The following KCTD8 variants were observed in gnomAD, a reference collection of about 807,000 sequenced individuals.
The protein encoded by KCTD8 is BTB/POZ domain-containing protein KCTD8.
In KCTD8, 27 loss-of-function variants were observed where a neutral mutation model predicts 31.5. The observed-to-expected ratio is 0.86, with a 90% CI of 0.63 to 1.18. The LOEUF (loss-of-function observed/expected upper bound fraction) is 1.18, where lower values mean the gene tolerates loss of function less well. Among genes scored for constraint, KCTD8 ranks in the 50% most tolerant of loss-of-function variants. The pLI, the probability that KCTD8 is intolerant of heterozygous loss-of-function variation, is 0.00. For synonymous variants in KCTD8, 290 were observed against 280.0 expected (o/e 1.04, Z -0.36); for missense variants, 658 against 647.7 (o/e 1.02, Z -0.17).
intron 1 of KCTD8, among the ~76,000 whole-genome samples, chr4:44,342,383 A>AG (rs1471500414): frequency 2.6e-5 from 4 of 151,894 alleles, no homozygotes; most frequent in African/African-American, 9.7e-5. Context: ...AAAAAAAAAA[A>AG]AAAAGAAAGG....
intron 1 of KCTD8, among the ~76,000 whole-genome samples, chr4:44,346,592 C>G (rs1719043327): frequency 1.3e-5 from 2 of 152,022 alleles, no homozygotes; most frequent in South Asian, 4.1e-4. Flanking sequence ...AAAGATGAAA[C>G]TGGCTCAAAC....
At chr4:44,420,321 G>T (rs1721180484) in intron 1 of KCTD8, among the ~76,000 whole-genome samples, 1 of 152,264 alleles carries the variant, frequency 6.6e-6, no homozygotes, top group Admixed American at 6.5e-5. Flanking sequence ...AAAATCTCTG[G>T]TGTCAGGTGT....
intron 1 of KCTD8, among the ~76,000 whole-genome samples, chr4:44,377,025 C>A (rs1719930316): frequency 6.6e-6 from 1 of 152,074 alleles, no homozygotes; most frequent in Non-Finnish European, 1.5e-5. Flanking sequence ...TAAATGAGGC[C>A]CACACACCAC....
At chr4:44,176,338 C>T (rs1713214251) in intron 1 of KCTD8, among the ~76,000 whole-genome samples, 1 of 152,140 alleles carries the variant, frequency 6.6e-6, no homozygotes, top group Non-Finnish European at 1.5e-5. Flanking sequence ...CTGGAATCAC[C>T]TACAAAGCTT....
At chr4:44,342,217 A>G (rs975168705) in intron 1 of KCTD8, among the ~76,000 whole-genome samples, 3 of 152,012 alleles carry the variant, frequency 2.0e-5, no homozygotes, top group Non-Finnish European at 4.4e-5. Context: ...TAAAAATACA[A>G]AAAAATTAAC....
At chr4:44,310,982 C>A (rs759419492) in intron 1 of KCTD8, among the ~76,000 whole-genome samples, 1 of 151,560 alleles carries the variant, frequency 6.6e-6, no homozygotes, top group Non-Finnish European at 1.5e-5. Flanking sequence ...CATGCTTCTG[C>A]AACCCCTATA....
chr4:44,434,296 T>C (rs1721588229), intron 1 of KCTD8, among the ~76,000 whole-genome samples: 2 of 151,908 alleles, frequency 1.3e-5, no homozygotes, highest in Admixed American at 6.6e-5. Context: ...TAGTTAACTT[T>C]AGTGAGCCTT....
chr4:44,249,761 TTC>T (rs918285100), intron 1 of KCTD8, among the ~76,000 whole-genome samples: 22 of 151,634 alleles, frequency 1.5e-4, no homozygotes, highest in African/African-American at 3.9e-4. Flanking sequence ...CTCCCTTTCC[TTC>T]TCTCTCTTTC....
chr4:44,362,769 ATT>A (rs752532331), intron 1 of KCTD8, among the ~76,000 whole-genome samples: 21 of 143,528 alleles, frequency 1.5e-4, no homozygotes, highest in African/African-American at 3.1e-4. Flanking sequence ...GTTAAAGGTA[ATT>A]TTTTTTTTTT....
intron 1 of KCTD8, among the ~76,000 whole-genome samples, chr4:44,339,759 TGAAA>T (rs766534793): frequency 9.9e-5 from 15 of 152,140 alleles, no homozygotes; most frequent in Non-Finnish European, 1.6e-4. Context: ...ACCAATACTT[TGAAA>T]GAATTTAAAT....
chr4:44,447,049 GGAGGCTCCCGC>G (rs1721959772), intron 1 of KCTD8, among the ~76,000 whole-genome samples: 1 of 152,216 alleles, frequency 6.6e-6, no homozygotes, highest in Admixed American at 6.5e-5. Flanking sequence ...ACCCGTAACT[GGAGGCTCCCGC>G]GCGGCAGCTG....
chr4:44,422,876 C>G (rs1264830258), intron 1 of KCTD8, among the ~76,000 whole-genome samples: 3 of 152,044 alleles, frequency 2.0e-5, no homozygotes. Flanking sequence ...TTCATATCTT[C>G]AGCCTCAGGA....
chr4:44,265,168 A>T (rs527718530), intron 1 of KCTD8, among the ~76,000 whole-genome samples: 27 of 152,220 alleles, frequency 1.8e-4, no homozygotes, highest in African/African-American at 6.5e-4. Context: ...GACACCTCAC[A>T]CGGCCGGGTA....
At chr4:44,321,525 G>C (rs1479190434) in intron 1 of KCTD8, among the ~76,000 whole-genome samples, 1 of 152,060 alleles carries the variant, frequency 6.6e-6, no homozygotes, top group Non-Finnish European at 1.5e-5. Context: ...GTGATACTTT[G>C]ATACATGTAT....
In KCTD8 at chr4:44,331,638, T is replaced by C. The variant is rs546714174; in HGVS notation, c.961+115925A>G. Among the ~76,000 whole-genome samples the C allele has an allele frequency of 1.0e-3, 155 of 151,038 alleles. 1 individual carries two copies. The highest frequency in any genetic ancestry group is 3.6e-3 in the African/African-American group (150 of 41,354). On this transcript the variant is annotated intron_variant, in intron 1 of 1. Transcript: ENST00000360029. ...TCTTTCCTGTTGATTTTGAAGATGATAGTAATTTATAAAATGTATATATTT... is the reference window on the plus strand; with the variant it reads ...TCTTTCCTGTTGATTTTGAAGATGACAGTAATTTATAAAATGTATATATTT...
intron 1 of KCTD8, among the ~76,000 whole-genome samples, chr4:44,222,033 A>G (rs572494842): frequency 6.6e-6 from 1 of 152,328 alleles, no homozygotes; most frequent in South Asian, 2.1e-4. Context: ...TGATAGGCAC[A>G]CTAAGGAAAA....
intron 1 of KCTD8, among the ~76,000 whole-genome samples, chr4:44,443,539 C>G (rs1030532917): frequency 1.3e-5 from 2 of 152,134 alleles, no homozygotes; most frequent in African/African-American, 2.4e-5. Flanking sequence ...AATTACATTT[C>G]CCAGCCCAGT....
intron 1 of KCTD8, among the ~76,000 whole-genome samples, chr4:44,301,383 T>A (rs1002032016): frequency 2.0e-5 from 3 of 152,142 alleles, no homozygotes; most frequent in African/African-American, 7.2e-5. Flanking sequence ...CACCTGTTGT[T>A]TCCTGACTTT....
chr4:44,287,655 A>G (rs1021428404), intron 1 of KCTD8, among the ~76,000 whole-genome samples: 4 of 152,150 alleles, frequency 2.6e-5, no homozygotes, highest in African/African-American at 7.2e-5. Flanking sequence ...TGGCAAATAA[A>G]TAGCACCTAA....
Sources: allele counts gnomAD v4.1 joint callset (sites outside exome capture counted in the v4.1 genomes callset), GRCh38; gene constraint gnomAD v4.1.1; transcripts MANE v1.5; gene names NCBI Gene and HGNC (gene_info 2026-07-23, HGNC 2026-07-21).